CACNA1D: variants seen among roughly 807,000 people sequenced by gnomAD.
CACNA1D encodes calcium voltage-gated channel subunit alpha1 D.
Under a neutral mutation model 257.1 loss-of-function variants are expected in CACNA1D, and 55 were observed. That is an observed-to-expected ratio of 0.21 (90% CI 0.17 to 0.27). CACNA1D has a LOEUF of 0.27. CACNA1D is among the 10% of genes least tolerant of loss of function. The probability of loss-of-function intolerance (pLI) is 1.00; values close to 1 mark genes in which losing one functional copy is unlikely to be tolerated. For synonymous variants in CACNA1D, 980 were observed against 1,014.9 expected, an observed-to-expected ratio of 0.97 and a Z score of 0.65; for missense variants, 1,876 against 2,784.0, an observed-to-expected ratio of 0.67 and a Z score of 7.34.
intron 3 of CACNA1D, among the ~76,000 whole-genome samples, chr3:53,604,645 G>A (rs977971568): frequency 1.3e-5 from 2 of 152,112 alleles, no homozygotes; most frequent in Non-Finnish European, 2.9e-5. Context: ...TTACAGACCT[G>A]CTGTGGAGTT....
intron 3 of CACNA1D, among the ~76,000 whole-genome samples, chr3:53,643,174 A>G (rs747000739): frequency 6.6e-6 from 1 of 152,196 alleles, no homozygotes; most frequent in Non-Finnish European, 1.5e-5. Context: ...GATGAGGGCA[A>G]ACAGACTACT....
intron 3 of CACNA1D, among the ~76,000 whole-genome samples, chr3:53,633,226 C>T (rs919303347): frequency 1.3e-5 from 2 of 152,238 alleles, no homozygotes; most frequent in Non-Finnish European, 2.9e-5. Context: ...GGTGTGGTGG[C>T]TCACGCCTGT....
At chr3:53,805,256 C>G in intron 45 of CACNA1D, 110 bp downstream of exon 45, 1 of 1,062,072 alleles carries the variant, frequency 9.4e-7, no homozygotes, top group East Asian at 2.4e-5. Flanking sequence ...GGTCAGGATC[C>G]TTAGTCCTCA....
chr3:53,667,209 T>G (rs375111513), intron 7 of CACNA1D, among the ~76,000 whole-genome samples: 2 of 152,134 alleles, frequency 1.3e-5, no homozygotes, highest in Non-Finnish European at 2.9e-5. Context: ...ATGAAAACAG[T>G]TGGACACTCT....
At chr3:53,625,390 C>T (rs1392603258) in intron 3 of CACNA1D, among the ~76,000 whole-genome samples, 2 of 152,138 alleles carry the variant, frequency 1.3e-5, no homozygotes, top group South Asian at 2.1e-4. Context: ...TCAGATATGT[C>T]GCGTTCTGAC....
chr3:53,805,525 A>T (rs2095558039), intron 45 of CACNA1D, among the ~76,000 whole-genome samples: 1 of 152,152 alleles, frequency 6.6e-6, no homozygotes, highest in African/African-American at 2.4e-5. Context: ...GCACTCTGTG[A>T]TGGGGTGACT....
intron 5 of CACNA1D, among the ~76,000 whole-genome samples, chr3:53,663,966 A>G (rs2094233457): frequency 6.6e-6 from 1 of 152,058 alleles, no homozygotes; most frequent in Non-Finnish European, 1.5e-5. Flanking sequence ...GGGTTTCATC[A>G]TGTTGGCCAG....
intron 3 of CACNA1D, among the ~76,000 whole-genome samples, chr3:53,607,934 T>C (rs1191007293): frequency 6.6e-6 from 1 of 152,234 alleles, no homozygotes; most frequent in African/African-American, 2.4e-5. Flanking sequence ...TGTAGCTTTA[T>C]GGTGTATCTG....
rs2090272145 is a variant in CACNA1D, at chr3:53,494,657, G to A, written c.-510G>A. The A allele has an allele frequency of 6.8e-6, 1 of 146,300 alleles. No individual in the cohort carries two copies. The highest frequency in any genetic ancestry group is 1.5e-5 in the Non-Finnish European group (1 of 65,638). The allele number at this position is 146,300 out of a possible 1,614,324, so 9.1% of individuals were successfully genotyped here. The stretch of plus-strand genomic sequence containing the variant: ...GCGGCGGGCGCGGAGCGAGCGGGCG[G>A]GCGAGCGCCTCCGTCCCCGGATGTG... On this transcript the variant is annotated 5_prime_UTR_variant, in exon 1 of 48. Coordinates refer to ENST00000350061, the MANE Select transcript of CACNA1D (RefSeq NM_001128840.3).
intron 3 of CACNA1D, among the ~76,000 whole-genome samples, chr3:53,582,240 C>A (rs541180039): frequency 6.6e-6 from 1 of 152,224 alleles, no homozygotes; most frequent in Middle Eastern, 3.4e-3. Flanking sequence ...GTTCATTCCC[C>A]AGCAAACATT....
chr3:53,727,464 A>G lies in CACNA1D; in HGVS notation c.2221+465A>G, dbSNP rs374990885. On this transcript the variant is annotated intron_variant, in intron 15 of 47. Transcript: ENST00000350061. ...CCCCTGGGCTAATTTCACTTTGCTG[A>G]TCTGTCCATCTTTGCGGATCAAGTG... Among the ~76,000 whole-genome samples, 288 of 152,288 alleles carry G rather than the reference A, an allele frequency of 1.9e-3. 6 individuals are homozygous for G. In the South Asian group the frequency reaches 0.049, roughly 26 times the overall value.
At chr3:53,526,675 T>C (rs990299668) in intron 3 of CACNA1D, among the ~76,000 whole-genome samples, 2 of 152,212 alleles carry the variant, frequency 1.3e-5, no homozygotes, top group Non-Finnish European at 2.9e-5. Context: ...TGAGGTTTTG[T>C]ATAGAAGAGT....
intron 3 of CACNA1D, among the ~76,000 whole-genome samples, chr3:53,528,485 C>T (rs1212291660): frequency 6.6e-6 from 1 of 152,110 alleles, no homozygotes; most frequent in African/African-American, 2.4e-5. Context: ...TGTTCTCCAC[C>T]CCTCACTACA....
chr3:53,657,805 G>T (rs1217826094), intron 4 of CACNA1D, among the ~76,000 whole-genome samples: 3 of 152,164 alleles, frequency 2.0e-5, no homozygotes, highest in Non-Finnish European at 4.4e-5. Flanking sequence ...GTGACCTATT[G>T]CTTTTGTCAA....
rs2090307569 is a variant in CACNA1D, at chr3:53,495,535, C to A, written c.67+302C>A. 6.6e-6 allele frequency among the ~76,000 whole-genome samples: 1 copy of A among 152,152 alleles called. No homozygotes were observed. ...TCGGGTTCAGTGTCCTCGGGCTCAA[C>A]TTTCCTTCAACGCCCCCGAGCGATG... On this transcript the variant is annotated intron_variant, in intron 1 of 47. Transcript: ENST00000350061. This position sits in a 1 kb window ranked among gnomAD's most constrained non-coding sequence, Gnocchi z 5.1.
At chr3:53,794,377 C>T (rs1280439445) in intron 40 of CACNA1D, among the ~76,000 whole-genome samples, 1 of 152,122 alleles carries the variant, frequency 6.6e-6, no homozygotes, top group Non-Finnish European at 1.5e-5. Context: ...CTAAGGGACA[C>T]AGCTGTTTGA....
intron 3 of CACNA1D, among the ~76,000 whole-genome samples, chr3:53,519,781 C>T (rs2091480764): frequency 6.6e-6 from 1 of 152,206 alleles, no homozygotes; most frequent in African/African-American, 2.4e-5. Context: ...AACCCCATAC[C>T]TATTAGCTGT....
Position 53,811,765 on chromosome 3 carries a change from G to T in CACNA1D, c.*359G>T. The T allele has an allele frequency of 5.3e-6, 1 of 187,990 alleles. No homozygotes were observed. Among genetic ancestry groups the T allele is most frequent in the Non-Finnish European group, 1.1e-5 (1 of 91,164 alleles). The allele number at this position is 187,990 out of a possible 1,614,324, so 11.6% of individuals were successfully genotyped here. A position where few individuals can be genotyped will look rare whatever the true frequency, so the allele number is the denominator to read the frequency against. ...GGGCACCAGGCCCACCCAACTGAAG[G>T]CATGGCGGCGGGGTGCAGGGGAAAG... On this transcript the variant is annotated 3_prime_UTR_variant, in exon 48 of 48. Transcript: ENST00000350061. This position sits in a 1 kb window ranked among gnomAD's most constrained non-coding sequence, Gnocchi z 4.2.
intron 37 of CACNA1D, among the ~76,000 whole-genome samples, chr3:53,779,407 A>ATGTG (rs139851282): frequency 0.04 from 6,057 of 150,440 alleles, 180 homozygotes; most frequent in Middle Eastern, 0.099. Context: ...ATATGTATGT[A>ATGTG]TGTGTGTGTG....
Sources: allele counts gnomAD v4.1 joint callset (sites outside exome capture counted in the v4.1 genomes callset), GRCh38; gene constraint gnomAD v4.1.1; non-coding constraint Gnocchi (gnomAD v3.1); transcripts MANE v1.5; gene names NCBI Gene and HGNC (gene_info 2026-07-23, HGNC 2026-07-21).